Variants in ADGRV1 observed in about 807,000 individuals in gnomAD.
The protein encoded by ADGRV1 is G-protein coupled receptor 98.
In ADGRV1, 359 loss-of-function variants were observed where a neutral mutation model predicts 596.2. The ratio of observed to expected loss-of-function variants is 0.60; its 90% CI spans 0.55 to 0.66. The LOEUF is 0.66. Among genes scored for constraint, ADGRV1 ranks in the 30% least tolerant of loss-of-function variants. The pLI, the probability that ADGRV1 is intolerant of heterozygous loss-of-function variation, is 0.00. For missense variants in ADGRV1, 7,274 were observed against 7,575.6 expected (o/e 0.96, Z 1.48); for synonymous variants, 2,681 against 2,679.2 (o/e 1.00, Z -0.02).
chr5:90,704,510 A>G, intron 36 of ADGRV1, 22 bp downstream of exon 36: 1 of 1,429,160 alleles, frequency 7.0e-7, no homozygotes, highest in Non-Finnish European at 9.6e-7. Flanking sequence ...TTTAATTTTA[A>G]TTTTTTTTGG....
intron 1 of ADGRV1, among the ~76,000 whole-genome samples, chr5:90,595,890 A>AC (rs527355003): frequency 0.027 from 3,081 of 115,766 alleles, 80 homozygotes; most frequent in African/African-American, 0.081. Context: ...CGGGGGGCTG[A>AC]CCCCCCCCAC....
At chr5:90,901,462 T>C (rs530557822) in intron 83 of ADGRV1, among the ~76,000 whole-genome samples, 1 of 152,262 alleles carries the variant, frequency 6.6e-6, no homozygotes, top group Admixed American at 6.5e-5. Context: ...CTATTGCCCC[T>C]AAACCTTTGT....
At chr5:90,720,368 GAGACCAGTTA>G in intron 44 of ADGRV1, 145 bp downstream of exon 44, 2 of 511,758 alleles carry the variant, frequency 3.9e-6, no homozygotes, top group Admixed American at 3.8e-5. Flanking sequence ...TAGGTCTAGA[GAGACCAGTTA>G]CTCTCCTAAC....
chr5:90,784,032 C>T lies in ADGRV1; in HGVS notation c.13628C>T (p.Thr4543Ile). The T allele has an allele frequency of 6.2e-7, 1 of 1,611,980 alleles. No homozygotes were observed. Among genetic ancestry groups the T allele is most frequent in the African/African-American group, 1.3e-5 (1 of 75,016 alleles). The change falls in exon 67 of 90, where the codon ACT (threonine) becomes ATT (isoleucine). Residue 4543 changes from threonine (T) to isoleucine (I), a missense_variant. By Grantham distance (89) the Thr-to-Ile change is moderately conservative. Transcript: ENST00000405460. ...TMILSLVLER[T>I]GGLLGEIQVN... ...ATTTTATCACTGGTGCTGGAGCGGA[C>T]TGGAGGACTCTTGGGAGAGATTCAG... is the stretch of plus-strand genomic sequence containing the variant.
At position 91,063,780 on chromosome 5, in the gene ADGRV1, T is replaced by C. The variant is rs529720311; in HGVS notation, c.18153-8667T>C. ...CACTTTGTTTTCTAAACAGGATTAA[T>C]ACACATAGGAAACACCTGGGAAACT... On this transcript the variant is annotated intron_variant, in intron 85 of 89. Transcript: ENST00000405460. Among the ~76,000 whole-genome samples the C allele has an allele frequency of 5.3e-5, 8 of 152,282 alleles. No individual in the cohort carries two copies. In the South Asian group the frequency reaches 1.7e-3, roughly 32 times the overall value.
chr5:91,005,637 G>T (rs564425746), intron 85 of ADGRV1, among the ~76,000 whole-genome samples: 1 of 152,240 alleles, frequency 6.6e-6, no homozygotes, highest in African/African-American at 2.4e-5. Flanking sequence ...TCCTCTAGGT[G>T]CTCAAGCTAG....
rs745809895 is a variant in ADGRV1, at chr5:90,750,541, A to T, written c.10975-10A>T. The T allele has an allele frequency of 6.3e-7, 1 of 1,589,892 alleles. No homozygotes were observed. The highest frequency in any genetic ancestry group is 1.2e-5 in the South Asian group (1 of 86,806). ...GGGAACCCCTTGTGACTTTCTGTGT[A>T]TTTTTTCAGAATTCATTATATAAGC... On this transcript the variant is annotated splice_polypyrimidine_tract_variant and intron_variant, in intron 52 of 89. Coordinates refer to ENST00000405460, the MANE Select transcript of ADGRV1 (RefSeq NM_032119.4).
At chr5:90,629,124 A>G (rs996653887) in intron 8 of ADGRV1, 86 bp from the exon 9 acceptor site, 6 of 719,556 alleles carry the variant, frequency 8.3e-6, no homozygotes, top group Non-Finnish European at 8.1e-6. Context: ...AATAAATATT[A>G]AAATTAGAAT....
chr5:90,694,360 A>T lies in ADGRV1; in HGVS notation c.7604A>T (p.Asp2535Val). 6.2e-7 allele frequency: 1 copy of T among 1,613,982 alleles called. No individual in the cohort carries two copies. Among genetic ancestry groups the T allele is most frequent in the Non-Finnish European group, 8.5e-7 (1 of 1,179,884 alleles). ...CTTCCTGATGATTTCCCAGAGATGG[A>T]TGAGAGTTTTCTAATTTCTCTCCTT... Reference protein sequence around the residue: ...SILPDDFPEMDESFLISLLEV... With the variant: ...SILPDDFPEMVESFLISLLEV... The change falls in exon 33 of 90, where the codon GAT becomes GTT. Residue 2535 changes from aspartate to valine, a missense_variant. By Grantham distance (152) the Asp-to-Val change is radical (BLOSUM62 -3). Coordinates refer to ENST00000405460, the MANE Select transcript of ADGRV1 (RefSeq NM_032119.4).
Position 90,704,394 on chromosome 5 carries a change from G to A in ADGRV1, c.8292G>A (p.Ser2764=), listed in dbSNP as rs778011573. 24 of 1,564,442 alleles carry A rather than the reference G, an allele frequency of 1.5e-5. No individual in the cohort carries two copies. The highest frequency in any genetic ancestry group is 1.2e-4 in the South Asian group (10 of 83,688). ...TTTCTTTCTGTATGACATAGGGGTC[G>A]TTGAATACAACATTGTTTGTGCATT... is the stretch of plus-strand genomic sequence containing the variant. ...FSGQLFFPEG[S]LNTTLFVHLL... The change falls in exon 36 of 90, where the codon TCG becomes TCA. Residue 2764 remains serine, a synonymous_variant. Coordinates refer to ENST00000405460, the MANE Select transcript of ADGRV1 (RefSeq NM_032119.4).
At chr5:90,796,502 G>A (rs1224090708) in intron 70 of ADGRV1, among the ~76,000 whole-genome samples, 1 of 152,168 alleles carries the variant, frequency 6.6e-6, no homozygotes, top group Non-Finnish European at 1.5e-5. Flanking sequence ...TTTGATTGGT[G>A]TACCTGAAAG....
intron 83 of ADGRV1, among the ~76,000 whole-genome samples, chr5:90,947,644 A>G (rs1188526812): frequency 2.6e-5 from 4 of 152,052 alleles, no homozygotes; most frequent in South Asian, 2.1e-4. Flanking sequence ...CAGAACACCA[A>G]TATTTAAGGG....
At chr5:90,674,618 A>G (rs938475905) in intron 23 of ADGRV1, 1 of 156,440 alleles carries the variant, frequency 6.4e-6, no homozygotes, top group African/African-American at 2.4e-5. Context: ...ATCACTCTAT[A>G]TTAATTTCTT....
intron 1 of ADGRV1, among the ~76,000 whole-genome samples, chr5:90,572,534 A>G (rs1002205344): frequency 6.6e-6 from 1 of 152,170 alleles, no homozygotes; most frequent in African/African-American, 2.4e-5. Flanking sequence ...CTGCACACCT[A>G]CAACCATCTT....
At chr5:91,078,640 G>A (rs1789056874) in intron 86 of ADGRV1, among the ~76,000 whole-genome samples, 1 of 152,198 alleles carries the variant, frequency 6.6e-6, no homozygotes, top group African/African-American at 2.4e-5. Context: ...CCACCACGGT[G>A]GTAGAAACCC....
chr5:90,779,076 CA>C lies in ADGRV1; in HGVS notation c.13064del (p.Lys4355ArgfsTer20). On this transcript the variant is annotated frameshift_variant, in exon 64 of 90. Transcript: ENST00000405460. LOFTEE classifies it high-confidence loss of function. The part of the protein sequence containing the change: ...EGPEEFSLTI[T>X]KVELQGRGYD... ...CCAGAGGAATTTTCTCTAACAATTA[CA>C]AAGGTGGAACTCCAGGGAAGGTAAA... is the stretch of plus-strand genomic sequence containing the variant. The C allele has an allele frequency of 6.2e-7, 1 of 1,609,118 alleles. No homozygotes were observed. Among genetic ancestry groups the C allele is most frequent in the African/African-American group, 1.3e-5 (1 of 74,826 alleles).
chr5:90,943,621 T>A (rs1776341359), intron 83 of ADGRV1, among the ~76,000 whole-genome samples: 2 of 152,138 alleles, frequency 1.3e-5, no homozygotes, highest in Non-Finnish European at 2.9e-5. Flanking sequence ...GGTGGTTACA[T>A]GTCCAAATTC....
chr5:90,660,111 A>C (rs1770046319), intron 21 of ADGRV1, among the ~76,000 whole-genome samples: 1 of 152,280 alleles, frequency 6.6e-6, no homozygotes, highest in African/African-American at 2.4e-5. Context: ...TCTTCTATTA[A>C]GCCAGACATT....
chr5:90,965,394 A>G (rs774563317), intron 83 of ADGRV1, 21 bp from the exon 84 acceptor site: 9 of 1,400,470 alleles, frequency 6.4e-6, no homozygotes, highest in Non-Finnish European at 9.1e-6. Flanking sequence ...TTTTAAAAAT[A>G]GAAGTATCTG....
Sources: allele counts gnomAD v4.1 joint callset (sites outside exome capture counted in the v4.1 genomes callset), GRCh38; gene constraint gnomAD v4.1.1; transcripts MANE v1.5; gene names NCBI Gene and HGNC (gene_info 2026-07-23, HGNC 2026-07-21).